The following ABRAXAS2 variants were observed in gnomAD, a reference collection of about 807,000 sequenced individuals.
ABRAXAS2 encodes BRISC complex subunit Abraxas 2.
ABRAXAS2 carries 23 observed loss-of-function variants against 49.0 expected under a neutral mutation model. The ratio of observed to expected loss-of-function variants is 0.47; its 90% CI spans 0.34 to 0.66. The LOEUF (loss-of-function observed/expected upper bound fraction) is 0.66, where lower values mean the gene tolerates loss of function less well. ABRAXAS2 is among the 30% of genes least tolerant of loss of function. The probability of loss-of-function intolerance (pLI) is 0.01; values close to 1 mark genes in which losing one functional copy is unlikely to be tolerated. For synonymous variants in ABRAXAS2, 168 were observed against 180.2 expected, an observed-to-expected ratio of 0.93 and a Z score of 0.54; for missense variants, 443 against 511.9, an observed-to-expected ratio of 0.87 and a Z score of 1.30.
intron 2 of ABRAXAS2, among the ~76,000 whole-genome samples, chr10:124,815,858 G>T (rs1313387755): frequency 6.7e-6 from 1 of 148,212 alleles, no homozygotes; most frequent in African/African-American, 2.5e-5. Context: ...GGTGAGGGTG[G>T]TTAAGGCCCT....
chr10:124,825,116 G>A (rs1950888663), intron 4 of ABRAXAS2, among the ~76,000 whole-genome samples: 1 of 151,994 alleles, frequency 6.6e-6, no homozygotes, highest in African/African-American at 2.4e-5. Flanking sequence ...GAGGTCAGGA[G>A]TTCAAGACCC....
Position 124,834,835 on chromosome 10 carries a change from A to G in ABRAXAS2, c.1112A>G (p.Asp371Gly). 6.2e-7 allele frequency: 1 copy of G among 1,614,114 alleles called. No individual in the cohort carries two copies. The highest frequency in any genetic ancestry group is 8.5e-7 in the Non-Finnish European group (1 of 1,180,018). The change falls in exon 9 of 9, where the codon GAT becomes GGT. Residue 371 changes from aspartate to glycine, a missense_variant. By Grantham distance (94) the Asp-to-Gly change is moderately conservative (BLOSUM62 -1). Coordinates refer to ENST00000298492, the MANE Select transcript of ABRAXAS2 (RefSeq NM_032182.4). Reference sequence around the variant, plus strand: ...AGAGCAGCTGGAGACAGTGGTGAGGATTCAGACGACAGTGATTATGAAAAT... The same window carrying G: ...AGAGCAGCTGGAGACAGTGGTGAGGGTTCAGACGACAGTGATTATGAAAAT... ...PQRAAGDSGE[D>G]SDDSDYENLI...
rs1179905885 is a variant in ABRAXAS2, at chr10:124,825,340, T to A, written c.268-1255T>A. Among the ~76,000 whole-genome samples, 4 of 125,550 alleles carry A rather than the reference T, an allele frequency of 3.2e-5. No homozygotes were observed. The East Asian group carries it at 9.4e-4, about 29-fold the overall frequency. 82.4% of individuals were successfully genotyped at this position (125,550 alleles called of 152,430 possible). A position where few individuals can be genotyped will look rare whatever the true frequency, so the allele number is the denominator to read the frequency against. ...CTCAAAAAAAAAAAAAAAAAAAAAA[T>A]TATACCCTGAGAGAAAGGCTTGGGT... On this transcript the variant is annotated intron_variant, in intron 4 of 8. Transcript: ENST00000298492.
intron 3 of ABRAXAS2, 32 bp downstream of exon 3, chr10:124,816,644 A>G (rs1435733649): frequency 1.3e-6 from 2 of 1,518,096 alleles, no homozygotes; most frequent in Non-Finnish European, 1.8e-6. Context: ...AGTCCTTACT[A>G]AAAGGATTGA....
intron 4 of ABRAXAS2, among the ~76,000 whole-genome samples, chr10:124,826,388 G>A (rs924329870): frequency 4.6e-5 from 7 of 152,162 alleles, no homozygotes; most frequent in African/African-American, 1.7e-4. Context: ...ACTCATTCAT[G>A]TTCCTTTTTA....
intron 2 of ABRAXAS2, among the ~76,000 whole-genome samples, chr10:124,815,925 C>CA (rs1950822043): frequency 7.9e-6 from 1 of 126,130 alleles, no homozygotes; most frequent in African/African-American, 3.1e-5. Context: ...TAATATGAGA[C>CA]AGAGTTTCGC....
chr10:124,829,058 A>C (rs926438525), intron 6 of ABRAXAS2, among the ~76,000 whole-genome samples, 183 bp downstream of exon 6: 12 of 152,252 alleles, frequency 7.9e-5, no homozygotes, highest in Non-Finnish European at 1.3e-4. Flanking sequence ...TGTTGAAAAG[A>C]TAGTTTACTT....
chr10:124,822,609 A>G (rs1384625841), intron 4 of ABRAXAS2, among the ~76,000 whole-genome samples: 1 of 152,172 alleles, frequency 6.6e-6, no homozygotes. Flanking sequence ...CCTGGCTGAC[A>G]TGGCAAAACC....
chr10:124,813,654 G>A (rs1399030409), intron 2 of ABRAXAS2, among the ~76,000 whole-genome samples: 1 of 152,150 alleles, frequency 6.6e-6, no homozygotes, highest in African/African-American at 2.4e-5. Flanking sequence ...GCTTTTTCAT[G>A]TTTGAGATCA....
At chr10:124,826,156 C>A (rs905522567) in intron 4 of ABRAXAS2, among the ~76,000 whole-genome samples, 1 of 152,162 alleles carries the variant, frequency 6.6e-6, no homozygotes, top group Non-Finnish European at 1.5e-5. Context: ...ACTTGTGAAA[C>A]CATCACCATA....
At chr10:124,810,388 G>A (rs547083739) in intron 2 of ABRAXAS2, among the ~76,000 whole-genome samples, 9 of 152,204 alleles carry the variant, frequency 5.9e-5, no homozygotes, top group South Asian at 2.1e-4. Flanking sequence ...TTAGCCAGGC[G>A]TGGTGTTGTG....
Position 124,834,821 on chromosome 10 carries a change from AG to A in ABRAXAS2, c.1099del (p.Asp367ThrfsTer14). 6.2e-7 allele frequency: 1 copy of A among 1,614,122 alleles called. No homozygotes were observed. The highest frequency in any genetic ancestry group is 8.5e-7 in the Non-Finnish European group (1 of 1,180,022). ...TTCCTCCTCCCCAAAGAGCAGCTGG[AG>A]ACAGTGGTGAGGATTCAGACGACAG... ...DLPPPQRAAG[D>X]SGEDSDDSDY... On this transcript the variant is annotated frameshift_variant, in exon 9 of 9. Transcript: ENST00000298492. LOFTEE classifies it high-confidence loss of function.
chr10:124,816,678 T>A, intron 3 of ABRAXAS2, 66 bp downstream of exon 3: 1 of 1,230,258 alleles, frequency 8.1e-7, no homozygotes, highest in Non-Finnish European at 1.2e-6. Flanking sequence ...CTAGTGAATT[T>A]TGGCCTGTAG....
chr10:124,831,203 C>A, intron 7 of ABRAXAS2, 146 bp from the exon 8 acceptor site: 1 of 614,514 alleles, frequency 1.6e-6, no homozygotes, highest in Non-Finnish European at 2.9e-6. Flanking sequence ...GTCTTTTGGG[C>A]TTTCATGATT....
chr10:124,834,066 A>G (rs748312909), intron 8 of ABRAXAS2, among the ~76,000 whole-genome samples: 4 of 152,186 alleles, frequency 2.6e-5, no homozygotes, highest in Non-Finnish European at 4.4e-5. Flanking sequence ...TCACATTTCC[A>G]TTCCGTGTAC....
At chr10:124,803,815 C>T (rs756002772) in intron 1 of ABRAXAS2, among the ~76,000 whole-genome samples, 5 of 152,152 alleles carry the variant, frequency 3.3e-5, no homozygotes, top group Non-Finnish European at 7.3e-5. Flanking sequence ...GCAGGAAAAT[C>T]GCTTGAACCC....
chr10:124,824,534 C>CAA (rs531680713), intron 4 of ABRAXAS2, among the ~76,000 whole-genome samples: 7,047 of 78,100 alleles, frequency 0.09, 591 homozygotes, highest in African/African-American at 0.26. Flanking sequence ...TCTCAAAAAC[C>CAA]AAAAAAAAAA....
intron 8 of ABRAXAS2, among the ~76,000 whole-genome samples, chr10:124,831,731 T>G (rs1000176077): frequency 1.3e-5 from 2 of 152,166 alleles, no homozygotes; most frequent in East Asian, 1.9e-4. Context: ...CAAGAAGTTA[T>G]TGATACAGAT....
Position 124,828,817 on chromosome 10 carries a change from A to G in ABRAXAS2, c.520A>G (p.Lys174Glu). The G allele has an allele frequency of 6.2e-7, 1 of 1,613,808 alleles. No homozygotes were observed. Among genetic ancestry groups the G allele is most frequent in the Middle Eastern group, 1.6e-4 (1 of 6,062 alleles). ...AGGAAATACTAGCCAGCAAGAGTAC[A>G]AAGTGTCTTCAGTGCCAAATACTTC... ...NLGNTSQQEY[K>E]VSSVPNTSQS... is the part of the protein sequence containing the mutation. The change falls in exon 6 of 9, where the codon AAA (lysine) becomes GAA (glutamate). Residue 174 changes from lysine (K) to glutamate (E), a missense_variant. This residue lies in a region of ABRAXAS2 where 166 missense variants were observed against 247.3 expected (regional missense o/e 0.67). Transcript: ENST00000298492.
Sources: allele counts gnomAD v4.1 joint callset (sites outside exome capture counted in the v4.1 genomes callset), GRCh38; gene constraint gnomAD v4.1.1; regional missense constraint gnomAD v4.1.1; transcripts MANE v1.5; gene names NCBI Gene and HGNC (gene_info 2026-07-23, HGNC 2026-07-21).